Variants in AFTPH observed in about 807,000 individuals in gnomAD.
AFTPH encodes the protein aftiphilin protein.
AFTPH carries 7 observed loss-of-function variants against 72.5 expected under a neutral mutation model. The observed-to-expected ratio is 0.10, with a 90% confidence interval of 0.05 to 0.18. The LOEUF is 0.18. Ranked by LOEUF, AFTPH falls within the 10% of genes least tolerant of loss-of-function variation. The pLI is 1.00. For missense variants in AFTPH, 979 were observed against 1,060.5 expected, an observed-to-expected ratio of 0.92 and a Z score of 1.07; for synonymous variants, 337 against 370.1, an observed-to-expected ratio of 0.91 and a Z score of 1.03.
intron 6 of AFTPH, among the ~76,000 whole-genome samples, chr2:64,576,200 A>G (rs1043533191): frequency 1.4e-5 from 2 of 146,968 alleles, no homozygotes; most frequent in African/African-American, 5.0e-5. Context: ...TATATATAAC[A>G]TATATATATA....
intron 1 of AFTPH, among the ~76,000 whole-genome samples, chr2:64,550,584 G>T (rs1670967618): frequency 6.6e-6 from 1 of 151,936 alleles, no homozygotes; most frequent in Non-Finnish European, 1.5e-5. Flanking sequence ...TAACATGAGG[G>T]AGTTTTTTTT....
intron 1 of AFTPH, among the ~76,000 whole-genome samples, chr2:64,546,318 T>G (rs991402245): frequency 4.6e-5 from 7 of 152,196 alleles, no homozygotes; most frequent in Non-Finnish European, 1.5e-5. Flanking sequence ...AAAGGTGTTA[T>G]GAGCATGTAA....
intron 1 of AFTPH, among the ~76,000 whole-genome samples, chr2:64,550,677 GCACACACACACACA>G (rs56139158): frequency 0.029 from 3,807 of 130,188 alleles, 108 homozygotes; most frequent in African/African-American, 0.065. Flanking sequence ...CTGTACGCAT[GCACACACACACACA>G]CACACACACA....
chr2:64,569,277 T>C, intron 4 of AFTPH, 59 bp downstream of exon 4: 1 of 1,552,252 alleles, frequency 6.4e-7, no homozygotes, highest in South Asian at 1.2e-5. Context: ...TTTAAAATTC[T>C]GTCATACTTC....
intron 1 of AFTPH, among the ~76,000 whole-genome samples, chr2:64,540,959 G>A (rs575170988): frequency 6.6e-6 from 1 of 152,126 alleles, no homozygotes; most frequent in South Asian, 2.1e-4. Context: ...CTTTTTGTAA[G>A]AATTTTTATA....
At chr2:64,585,125 T>G (rs1673433799) in intron 7 of AFTPH, among the ~76,000 whole-genome samples, 1 of 152,236 alleles carries the variant, frequency 6.6e-6, no homozygotes, top group African/African-American at 2.4e-5. Flanking sequence ...TGGGGGAGTT[T>G]TCTATAGCAG....
At chr2:64,541,599 C>T (rs891913666) in intron 1 of AFTPH, among the ~76,000 whole-genome samples, 1 of 152,066 alleles carries the variant, frequency 6.6e-6, no homozygotes, top group Non-Finnish European at 1.5e-5. Flanking sequence ...TTCTTTATGA[C>T]TCAAGCAGAA....
chr2:64,586,701 C>CCCAT (rs1383355989), intron 8 of AFTPH, among the ~76,000 whole-genome samples: 2 of 152,160 alleles, frequency 1.3e-5, no homozygotes, highest in African/African-American at 4.8e-5. Flanking sequence ...TTCTCATAGC[C>CCCAT]CCATGTCTTT....
intron 1 of AFTPH, among the ~76,000 whole-genome samples, chr2:64,535,166 A>T (rs977638260): frequency 6.6e-6 from 1 of 152,222 alleles, no homozygotes; most frequent in Non-Finnish European, 1.5e-5. Flanking sequence ...ACCTATATCA[A>T]TGAGTTTAGC....
At chr2:64,581,324 C>A in intron 7 of AFTPH, 51 bp downstream of exon 8, 2 of 1,450,400 alleles carry the variant, frequency 1.4e-6, no homozygotes, top group Non-Finnish European at 1.9e-6. Flanking sequence ...AAAAGCATGA[C>A]CACATCACTT....
At chr2:64,561,220 G>A (rs550302170) in intron 2 of AFTPH, among the ~76,000 whole-genome samples, 4 of 152,342 alleles carry the variant, frequency 2.6e-5, no homozygotes, top group Admixed American at 6.5e-5. Flanking sequence ...AGCCAGATGT[G>A]CTGTTTGCCA....
chr2:64,529,085 C>A (rs943496851), intron 1 of AFTPH, among the ~76,000 whole-genome samples: 32 of 152,050 alleles, frequency 2.1e-4, no homozygotes, highest in African/African-American at 6.5e-4. Flanking sequence ...CAATAATTCC[C>A]TCATTTTTAA....
chr2:64,570,551 T>A (rs576576648), intron 5 of AFTPH, among the ~76,000 whole-genome samples: 1 of 152,356 alleles, frequency 6.6e-6, no homozygotes, highest in South Asian at 2.1e-4. Context: ...TGTTTACTCC[T>A]TTGTAAATGG....
chr2:64,590,243 T>TTA (rs1673743744), intron 8 of AFTPH, among the ~76,000 whole-genome samples: 1 of 152,218 alleles, frequency 6.6e-6, no homozygotes, highest in South Asian at 2.1e-4. Flanking sequence ...TTAGTATAGG[T>TTA]GTCCTACAGA....
intron 1 of AFTPH, among the ~76,000 whole-genome samples, chr2:64,529,127 G>T (rs555582789): frequency 6.6e-6 from 1 of 152,090 alleles, no homozygotes; most frequent in Non-Finnish European, 1.5e-5. Flanking sequence ...ACTCCCTTCT[G>T]AAAATTCAAG....
rs1672269010 is a variant in AFTPH, at chr2:64,569,147, A to G, written c.2143A>G (p.Arg715Gly). The change falls in exon 4 of 9, where the codon AGA (arginine) becomes GGA (glycine). Residue 715 changes from arginine to glycine, a missense_variant. Physicochemically the swap from Arg to Gly is moderately radical, Grantham distance 125. Coordinates refer to ENST00000238856, the Ensembl canonical transcript of AFTPH. ...GGATATCCATGATGCACATGGCTTG[A>G]GATACCAGTGGGGCGGCTCCCATAG... 3 of 1,614,118 alleles carry G rather than the reference A, an allele frequency of 1.9e-6. No homozygotes were observed. The African/African-American group carries it at 4.0e-5, about 22-fold the overall frequency.
chr2:64,568,143 A>T (rs7575214), intron 3 of AFTPH, among the ~76,000 whole-genome samples: 53,837 of 152,006 alleles, frequency 0.35, 9,635 homozygotes, highest in South Asian at 0.39. Context: ...ATCAATAATC[A>T]GTTGATGTTA....
At chr2:64,537,640 A>G (rs1230589300) in intron 1 of AFTPH, among the ~76,000 whole-genome samples, 1 of 152,220 alleles carries the variant, frequency 6.6e-6, no homozygotes, top group Non-Finnish European at 1.5e-5. Context: ...AAAATTTGCC[A>G]AAGTGTTCCA....
At chr2:64,556,070 C>T (rs1003844676) in intron 2 of AFTPH, among the ~76,000 whole-genome samples, 1 of 150,624 alleles carries the variant, frequency 6.6e-6, no homozygotes, top group Non-Finnish European at 1.5e-5. Context: ...TCACTGCAGC[C>T]TCCGCCTCCC....
Sources: gnomAD v4.1 joint callset for allele counts (sites outside exome capture counted in the v4.1 genomes callset) on GRCh38, gnomAD v4.1.1 for gene constraint, MANE v1.5 for transcripts, NCBI Gene and HGNC (gene_info 2026-07-23, HGNC 2026-07-21) for gene names.